The following P3H1 variants were observed in gnomAD, a reference collection of about 807,000 sequenced individuals.
P3H1 encodes prolyl 3-hydroxylase 1, also known as growth suppressor 1.
P3H1 carries 69 observed loss-of-function variants against 84.0 expected under a neutral mutation model. That is an observed-to-expected ratio of 0.82 (90% CI 0.68 to 1.00). P3H1 has a LOEUF of 1.00. Among genes scored for constraint, P3H1 ranks in the 50% least tolerant of loss-of-function variants. The probability of loss-of-function intolerance (pLI) is 0.00; values close to 1 mark genes in which losing one functional copy is unlikely to be tolerated. For missense variants in P3H1, 878 were observed against 962.8 expected, an observed-to-expected ratio of 0.91 and a Z score of 1.17; for synonymous variants, 366 against 388.8, an observed-to-expected ratio of 0.94 and a Z score of 0.69.
At chr1:42,749,756 T>TTTGTTG (rs139306499) in intron 11 of P3H1, 2 of 176,742 alleles carry the variant, frequency 1.1e-5, no homozygotes, top group African/African-American at 4.7e-5. Flanking sequence ...AAGCCTTCTT[T>TTTGTTG]TTGTTGTTGT....
chr1:42,751,612 A>AT (rs1429319540), intron 10 of P3H1: 2 of 151,650 alleles, frequency 1.3e-5, no homozygotes, highest in Admixed American at 1.3e-4. Context: ...AAATAATAAA[A>AT]AATAAAAAAT....
chr1:42,748,320 G>T lies in P3H1; in HGVS notation c.1721-3C>A. On this transcript the variant is annotated splice_polypyrimidine_tract_variant and splice_region_variant and intron_variant, in intron 11 of 14. Coordinates refer to ENST00000296388, the MANE Select transcript of P3H1 (RefSeq NM_022356.4). Reference sequence around the variant, plus strand: ...ATCCTTCCTCTCTGCCTGGACCTCTGGGGCCAATGTCACACATGTTAGCAA... The same window carrying T: ...ATCCTTCCTCTCTGCCTGGACCTCTTGGGCCAATGTCACACATGTTAGCAA... 1 of 1,607,368 alleles carries T rather than the reference G, an allele frequency of 6.2e-7. No individual in the cohort carries two copies. The highest frequency in any genetic ancestry group is 1.1e-5 in the South Asian group (1 of 90,954).
In P3H1 at chr1:42,755,636, C is replaced by T. The variant is rs141310011; in HGVS notation, c.1082G>A (p.Ser361Asn). 6.2e-7 allele frequency: 1 copy of T among 1,613,116 alleles called. No individual in the cohort carries two copies. The highest frequency in any genetic ancestry group is 1.3e-5 in the African/African-American group (1 of 75,010). Residue 361 changes from serine (S) to asparagine (N), a missense_variant and splice_region_variant, in exon 6 of 15, where the codon AGT (serine) becomes AAT (asparagine). Physicochemically the swap from Ser to Asn is conservative, Grantham distance 46 (BLOSUM62 1). Coordinates refer to ENST00000296388, the MANE Select transcript of P3H1 (RefSeq NM_022356.4). ...GCTTCGCTGTCGGTACTCCTTGGCA[C>T]TCTGAGGGTAAAAAAGCAAACAAAT... ...EHTRSIGPRESAKEYRQRSLL... is the reference protein window; with the variant it reads ...EHTRSIGPRENAKEYRQRSLL...
At chr1:42,747,132 T>C in intron 14 of P3H1, 140 bp downstream of exon 14, 2 of 1,614,138 alleles carry the variant, frequency 1.2e-6, no homozygotes, top group Non-Finnish European at 1.7e-6. Context: ...TGACAGGGCG[T>C]TGGAGCTGGT....
In P3H1 at chr1:42,766,599, C is replaced by T; in HGVS notation, c.373G>A (p.Gly125Arg). The T allele has an allele frequency of 6.2e-7, 1 of 1,609,452 alleles. No individual in the cohort carries two copies. Among genetic ancestry groups the T allele is most frequent in the Non-Finnish European group, 8.5e-7 (1 of 1,178,362 alleles). The change falls in exon 1 of 15, where the codon GGG (glycine) becomes AGG (arginine). Residue 125 changes from glycine (G) to arginine (R), a missense_variant. Physicochemically the swap from Gly to Arg is moderately radical, Grantham distance 125. Transcript: ENST00000296388. ...CTGAGCGAGTGGGCGGCCGGCGGCC[C>T]GAGGCAGCGGCGCAGGCAGGCAGCG... ...RRAACLRRCL[G>R]PPAAHSLSEE... is the part of the protein sequence containing the mutation.
Position 42,754,907 on chromosome 1 carries a change from GTCT to G in P3H1, c.1304_1306del (p.Lys435del). 2 of 1,614,144 alleles carry G rather than the reference GTCT, an allele frequency of 1.2e-6. No homozygotes were observed. Among genetic ancestry groups the G allele is most frequent in the Non-Finnish European group, 1.7e-6 (2 of 1,180,024 alleles). ...TCTGCTCACATCCAGTGACTCCTTGGTCTTCTCTTCCACAAGGGTCTCGATTTC... is the reference window on the plus strand; with the variant it reads ...TCTGCTCACATCCAGTGACTCCTTGGTCTCTTCCACAAGGGTCTCGATTTC... On this transcript the variant is annotated inframe_deletion, in exon 8 of 15. Transcript: ENST00000296388. This position sits in a 1 kb window ranked among gnomAD's most constrained non-coding sequence, Gnocchi z 4.0.
chr1:42,752,851 A>G (rs947070082), intron 8 of P3H1, among the ~76,000 whole-genome samples, 187 bp from the exon 9 acceptor site: 2 of 152,196 alleles, frequency 1.3e-5, no homozygotes, highest in Non-Finnish European at 2.9e-5. Flanking sequence ...GAAAGATGAG[A>G]TTCCCAGTCC....
chr1:42,764,378 A>G (rs188073247), intron 1 of P3H1, among the ~76,000 whole-genome samples: 1 of 151,072 alleles, frequency 6.6e-6, no homozygotes, highest in African/African-American at 2.4e-5. Flanking sequence ...GCAGTAAGCC[A>G]AGGTCGCCAC....
chr1:42,757,952 GGAAA>G (rs112829989), intron 4 of P3H1, 30 bp from the exon 5 acceptor site: 1 of 1,600,990 alleles, frequency 6.2e-7, no homozygotes, highest in African/African-American at 1.3e-5. Context: ...ATGGCTGAGA[GGAAA>G]GAGTCAAAAG....
chr1:42,766,412 C>T, intron 1 of P3H1, 95 bp downstream of exon 1: 1 of 1,150,676 alleles, frequency 8.7e-7, no homozygotes, highest in Non-Finnish European at 1.3e-6. Context: ...CCCCTCCCTG[C>T]GGACACTTCC....
At chr1:42,762,974 T>A (rs1344539706) in intron 1 of P3H1, among the ~76,000 whole-genome samples, 1 of 151,894 alleles carries the variant, frequency 6.6e-6, no homozygotes, top group African/African-American at 2.4e-5. Context: ...TAGTCCCAGC[T>A]ACTCTGCAGG....
Position 42,754,906 on chromosome 1 carries a change from G to C in P3H1, c.1308C>G (p.Thr436=), listed in dbSNP as rs111588746. The C allele has an allele frequency of 4.5e-5, 72 of 1,614,128 alleles. No individual in the cohort carries two copies. The African/African-American group carries it at 7.6e-4, about 17-fold the overall frequency. Residue 436 remains threonine, a synonymous_variant, in exon 8 of 15, where the codon ACC becomes ACG. Transcript: ENST00000296388. The surrounding 1 kb of genome is among the most constrained non-coding windows in gnomAD (Gnocchi z 4.0). ...GTCTGCTCACATCCAGTGACTCCTT[G>C]GTCTTCTCTTCCACAAGGGTCTCGA... ...KEIETLVEEK[T]KESLDVSRLT...
chr1:42,764,464 G>A (rs1323899924), intron 1 of P3H1, among the ~76,000 whole-genome samples: 2 of 150,908 alleles, frequency 1.3e-5, no homozygotes, highest in Non-Finnish European at 1.5e-5. Flanking sequence ...AAAAGAGACA[G>A]GCCAGCATCA....
At chr1:42,763,810 C>T (rs957827182) in intron 1 of P3H1, among the ~76,000 whole-genome samples, 3 of 151,086 alleles carry the variant, frequency 2.0e-5, no homozygotes, top group Non-Finnish European at 2.9e-5. Context: ...AAATAAATCA[C>T]TGATGATCTA....
At chr1:42,750,030 T>C (rs1651942074) in intron 11 of P3H1, 156 bp downstream of exon 11, 2 of 836,232 alleles carry the variant, frequency 2.4e-6, no homozygotes, top group African/African-American at 1.7e-5. Context: ...CATGCTACTG[T>C]GGCATGCATC....
rs372638089 is a variant in P3H1 at position 42,749,774 on chromosome 1, G to A, written c.1720+412C>T. On this transcript the variant is annotated intron_variant, in intron 11 of 14. Transcript: ENST00000296388. ...CCTTCTTTTTGTTGTTGTTGTTGTT[G>A]TTATTATTTTTGCTTTTAACAAGCC... is the stretch of plus-strand genomic sequence containing the variant. The A allele has an allele frequency of 9.8e-5, 17 of 173,904 alleles. No homozygotes were observed. In the East Asian group the frequency reaches 1.5e-3, roughly 15 times the overall value. The allele number at this position is 173,904 out of a possible 1,614,324, so 10.8% of individuals were successfully genotyped here. A position where few individuals can be genotyped will look rare whatever the true frequency, so the allele number is the denominator to read the frequency against.
At chr1:42,762,298 A>C (rs760906098) in intron 2 of P3H1, 25 bp downstream of exon 2, 2 of 1,609,898 alleles carry the variant, frequency 1.2e-6, no homozygotes, top group East Asian at 4.5e-5. Flanking sequence ...GAAAGAAAGA[A>C]AGAAGGGGAT....
intron 2 of P3H1, 91 bp downstream of exon 2, chr1:42,762,232 C>A: frequency 1.5e-6 from 2 of 1,352,674 alleles, no homozygotes; most frequent in Non-Finnish European, 2.1e-6. Flanking sequence ...GATCAAGCCA[C>A]TGCACTCCAG....
chr1:42,753,267 A>G (rs1169672882), intron 8 of P3H1, among the ~76,000 whole-genome samples: 1 of 152,248 alleles, frequency 6.6e-6, no homozygotes, highest in Non-Finnish European at 1.5e-5. Flanking sequence ...AAGAGAAATA[A>G]CAAAGTGAAA....
Sources: gnomAD v4.1 joint callset for allele counts (sites outside exome capture counted in the v4.1 genomes callset) on GRCh38, gnomAD v4.1.1 for gene constraint, Gnocchi (gnomAD v3.1) non-coding constraint, MANE v1.5 for transcripts, NCBI Gene and HGNC (gene_info 2026-07-23, HGNC 2026-07-21) for gene names.